PPP2R5E: variants seen among roughly 807,000 people sequenced by gnomAD.
PPP2R5E encodes the protein protein phosphatase 2 regulatory subunit B'epsilon.
PPP2R5E carries 4 observed loss-of-function variants against 65.3 expected under a neutral mutation model. The ratio of observed to expected loss-of-function variants is 0.06; its 90% confidence interval spans 0.03 to 0.14. The LOEUF (loss-of-function observed/expected upper bound fraction) is 0.14. PPP2R5E is among the 10% of genes least tolerant of loss of function. The probability of loss-of-function intolerance (pLI) is 1.00; values close to 1 mark genes in which losing one functional copy is unlikely to be tolerated. For synonymous variants in PPP2R5E, 183 were observed against 187.4 expected (o/e 0.98, Z 0.19); for missense variants, 274 against 556.1 (o/e 0.49, Z 5.10).
At chr14:63,512,263 C>T (rs771006354) in intron 2 of PPP2R5E, among the ~76,000 whole-genome samples, 4 of 152,066 alleles carry the variant, frequency 2.6e-5, no homozygotes, top group African/African-American at 9.7e-5. Context: ...GGAACAGTTA[C>T]GCTCTTTCCT....
intron 3 of PPP2R5E, among the ~76,000 whole-genome samples, chr14:63,431,825 T>C (rs762657417): frequency 1.3e-5 from 2 of 152,222 alleles, no homozygotes; most frequent in Admixed American, 6.5e-5. Context: ...TTAGTAATTA[T>C]TGTTACACAT....
chr14:63,456,979 C>T (rs1889159175), intron 2 of PPP2R5E, among the ~76,000 whole-genome samples: 1 of 152,202 alleles, frequency 6.6e-6, no homozygotes, highest in Non-Finnish European at 1.5e-5. Flanking sequence ...AATTAAAAAA[C>T]TTGCACAGTC....
intron 7 of PPP2R5E, 82 bp downstream of exon 7, chr14:63,395,144 G>A (rs1429059223): frequency 8.9e-7 from 1 of 1,129,406 alleles, no homozygotes; most frequent in Non-Finnish European, 1.3e-6. Context: ...AGAGAACTAG[G>A]TGAGCATCTC....
intron 3 of PPP2R5E, among the ~76,000 whole-genome samples, chr14:63,427,205 T>A (rs539753550): frequency 6.6e-6 from 1 of 152,178 alleles, no homozygotes; most frequent in Non-Finnish European, 1.5e-5. Context: ...TGCGGCTAGA[T>A]TAAAATGCAT....
At chr14:63,495,949 C>A (rs1452447872) in intron 2 of PPP2R5E, among the ~76,000 whole-genome samples, 1 of 152,170 alleles carries the variant, frequency 6.6e-6, no homozygotes, top group Non-Finnish European at 1.5e-5. Context: ...CTCAGCCTTT[C>A]ATAAGCGCTG....
At chr14:63,513,970 C>T (rs1892561797) in intron 2 of PPP2R5E, among the ~76,000 whole-genome samples, 2 of 152,190 alleles carry the variant, frequency 1.3e-5, no homozygotes, top group Admixed American at 1.3e-4. Flanking sequence ...TGGGCTCCAG[C>T]CCAATGTTTT....
At chr14:63,415,838 C>T (rs1351462262) in intron 4 of PPP2R5E, among the ~76,000 whole-genome samples, 4 of 152,152 alleles carry the variant, frequency 2.6e-5, no homozygotes, top group Non-Finnish European at 5.9e-5. Context: ...TCTGCGACAA[C>T]GTGCATCACA....
chr14:63,469,542 A>G (rs1031579954), intron 2 of PPP2R5E, among the ~76,000 whole-genome samples: 7 of 152,276 alleles, frequency 4.6e-5, no homozygotes, highest in African/African-American at 1.7e-4. Context: ...AAAATACAAA[A>G]AAGTAGCCAG....
chr14:63,443,466 A>G (rs781153024), intron 3 of PPP2R5E, among the ~76,000 whole-genome samples: 1 of 152,146 alleles, frequency 6.6e-6, no homozygotes, highest in Non-Finnish European at 1.5e-5. Context: ...TGAAGACAGT[A>G]CACCCAAGGT....
intron 2 of PPP2R5E, among the ~76,000 whole-genome samples, chr14:63,471,488 G>A (rs980369172): frequency 6.6e-6 from 1 of 152,170 alleles, no homozygotes; most frequent in Non-Finnish European, 1.5e-5. Context: ...AATCTTGAAT[G>A]AGTCATCCCT....
chr14:63,496,565 CAT>C (rs1891582942), intron 2 of PPP2R5E, among the ~76,000 whole-genome samples: 1 of 151,638 alleles, frequency 6.6e-6, no homozygotes, highest in Non-Finnish European at 1.5e-5. Flanking sequence ...TAACTAAGAA[CAT>C]ATACAGAGGG....
intron 5 of PPP2R5E, among the ~76,000 whole-genome samples, chr14:63,410,394 G>A (rs1395525812): frequency 1.3e-5 from 2 of 152,180 alleles, no homozygotes; most frequent in African/African-American, 4.8e-5. Flanking sequence ...GCGGGGGTGT[G>A]AAAAAGACCT....
intron 5 of PPP2R5E, among the ~76,000 whole-genome samples, chr14:63,410,631 G>A (rs1055823181): frequency 3.3e-5 from 5 of 152,176 alleles, no homozygotes; most frequent in African/African-American, 1.2e-4. Flanking sequence ...AAGGCACCGG[G>A]AGCGAAGGTA....
chr14:63,421,386 T>C (rs1389847607), intron 4 of PPP2R5E, among the ~76,000 whole-genome samples: 1 of 152,168 alleles, frequency 6.6e-6, no homozygotes, highest in Non-Finnish European at 1.5e-5. Flanking sequence ...GCTCTAATGC[T>C]GGAAACAGAG....
intron 2 of PPP2R5E, among the ~76,000 whole-genome samples, chr14:63,493,744 C>A (rs1246087506): frequency 6.6e-6 from 1 of 152,056 alleles, no homozygotes; most frequent in African/African-American, 2.4e-5. Context: ...GAATATTAAA[C>A]AGGTGAGCTT....
intron 3 of PPP2R5E, among the ~76,000 whole-genome samples, chr14:63,423,575 A>G (rs926080774): frequency 2.0e-5 from 3 of 152,218 alleles, no homozygotes; most frequent in Admixed American, 2.0e-4. Flanking sequence ...GAACATGCGT[A>G]AAAAGTGAGA....
chr14:63,539,823 A>C, intron 1 of PPP2R5E, 131 bp from the exon 2 acceptor site: 3 of 998,870 alleles, frequency 3.0e-6, no homozygotes, highest in Non-Finnish European at 4.2e-6. Context: ...AAATAAAATC[A>C]GTTAAGAAAA....
intron 2 of PPP2R5E, among the ~76,000 whole-genome samples, chr14:63,535,474 A>T (rs1893631758): frequency 6.6e-6 from 1 of 152,198 alleles, no homozygotes; most frequent in African/African-American, 2.4e-5. Context: ...ATTATGTTGC[A>T]GTTTTGCAAG....
intron 11 of PPP2R5E, among the ~76,000 whole-genome samples, chr14:63,387,433 GCA>G (rs748701158): frequency 8.3e-5 from 12 of 145,202 alleles, no homozygotes; most frequent in Non-Finnish European, 1.3e-4. Context: ...CTGTCCTTCT[GCA>G]CACACAGAGG....
Sources: gnomAD v4.1 joint callset for allele counts (sites outside exome capture counted in the v4.1 genomes callset) on GRCh38, gnomAD v4.1.1 for gene constraint, MANE v1.5 for transcripts, NCBI Gene and HGNC (gene_info 2026-07-23, HGNC 2026-07-21) for gene names.